The following ABCA6 variants were observed in gnomAD, a reference collection of about 807,000 sequenced individuals.
ABCA6 encodes the protein ATP-binding cassette sub-family A member 6.
ABCA6 carries 164 observed loss-of-function variants against 191.2 expected under a neutral mutation model. That is an observed-to-expected ratio of 0.86 (90% CI 0.76 to 0.98). The LOEUF (loss-of-function observed/expected upper bound fraction) is 0.98. Among genes scored for constraint, ABCA6 ranks in the 50% least tolerant of loss-of-function variants. The probability of loss-of-function intolerance (pLI) is 0.00; values close to 1 mark genes in which losing one functional copy is unlikely to be tolerated. For synonymous variants in ABCA6, 636 were observed against 647.7 expected (o/e 0.98, Z 0.27); for missense variants, 1,958 against 1,894.1 (o/e 1.03, Z -0.63).
Position 69,100,947 on chromosome 17 carries a change from A to G in ABCA6, c.2875-13T>C. ...AAAATCTATAATCCTTAAAACAGAA[A>G]CAAATAAATAATGTTAATGCTAAAT... On this transcript the variant is annotated splice_polypyrimidine_tract_variant and intron_variant, in intron 21 of 38. Transcript: ENST00000284425. 6.4e-7 allele frequency: 1 copy of G among 1,563,728 alleles called. No homozygotes were observed. The highest frequency in any genetic ancestry group is 1.2e-5 in the South Asian group (1 of 85,098).
chr17:69,082,837 C>G (rs777337889), intron 36 of ABCA6, 36 bp downstream of exon 36: 1 of 1,612,586 alleles, frequency 6.2e-7, no homozygotes, highest in Admixed American at 1.7e-5. Context: ...GTGGATAAAC[C>G]CTCCATATTT....
chr17:69,098,219 C>A (rs985498950), intron 22 of ABCA6, 192 bp from the exon 23 acceptor site: 5 of 450,104 alleles, frequency 1.1e-5, no homozygotes, highest in Non-Finnish European at 1.5e-5. Flanking sequence ...AGTCAAAAGT[C>A]ATTTAGGACC....
rs759246154 is a variant in ABCA6 at position 69,128,804 on chromosome 17, C to T, written c.934G>A (p.Val312Ile). ...ACACTCATCAGGAACACCAAAGCTACCTGCAAGAGAGAGAAGACATTCAGC... is the reference window on the plus strand; with the variant it reads ...ACACTCATCAGGAACACCAAAGCTATCTGCAAGAGAGAGAAGACATTCAGC... Reference protein sequence around the residue: ...ILFFLYGLSLVALVFLMSVLL... With the variant: ...ILFFLYGLSLIALVFLMSVLL... Residue 312 changes from valine to isoleucine, a missense_variant and splice_region_variant, in exon 8 of 39, where the codon GTA becomes ATA. Physicochemically the swap from Val to Ile is conservative, Grantham distance 29. Coordinates refer to ENST00000284425, the MANE Select transcript of ABCA6 (RefSeq NM_080284.3). 4 of 1,580,050 alleles carry T rather than the reference C, an allele frequency of 2.5e-6. No homozygotes were observed. The highest frequency in any genetic ancestry group is 2.3e-5 in the East Asian group (1 of 43,768).
chr17:69,096,156 T>C, intron 25 of ABCA6, 84 bp downstream of exon 25: 1 of 599,030 alleles, frequency 1.7e-6, no homozygotes, highest in Non-Finnish European at 2.5e-6. Context: ...CCCTACTGTC[T>C]TAAGGCAGAC....
In ABCA6 at chr17:69,088,164, A is replaced by G; in HGVS notation, c.3698+3T>C. On this transcript the variant is annotated splice_donor_region_variant and intron_variant, in intron 28 of 38. Transcript: ENST00000284425. ...TAAGTATAAAGTTAAATTTCACCCC[A>G]ACCTGAAAACAGGATCTTTTCGCAT... The G allele has an allele frequency of 6.2e-7, 1 of 1,608,590 alleles. No individual in the cohort carries two copies. Among genetic ancestry groups the G allele is most frequent in the African/African-American group, 1.3e-5 (1 of 74,838 alleles).
At chr17:69,120,121 T>A (rs1271451317) in intron 10 of ABCA6, among the ~76,000 whole-genome samples, 1 of 151,994 alleles carries the variant, frequency 6.6e-6, no homozygotes. Context: ...TGGTGCAATA[T>A]GTAAATATAT....
At chr17:69,085,791 C>A (rs2072772750) in intron 30 of ABCA6, 75 bp from the exon 31 acceptor site, 4 of 1,056,652 alleles carry the variant, frequency 3.8e-6, no homozygotes, top group Non-Finnish European at 5.8e-6. Flanking sequence ...CCAGTGAAAT[C>A]TTCTGAGATT....
At chr17:69,097,609 A>G (rs2073079196) in intron 23 of ABCA6, among the ~76,000 whole-genome samples, 1 of 152,174 alleles carries the variant, frequency 6.6e-6, no homozygotes, top group Admixed American at 6.5e-5. Context: ...CTTTGATTTC[A>G]ACATCAATGA....
chr17:69,116,735 G>A (rs1362909951), intron 11 of ABCA6, among the ~76,000 whole-genome samples: 1 of 152,080 alleles, frequency 6.6e-6, no homozygotes, highest in Non-Finnish European at 1.5e-5. Context: ...CAAAGGTGTT[G>A]CAGATGTGCT....
intron 11 of ABCA6, among the ~76,000 whole-genome samples, chr17:69,117,200 C>T (rs16973599): frequency 0.012 from 1,836 of 152,028 alleles, 9 homozygotes; most frequent in Middle Eastern, 0.061. Flanking sequence ...AGAAAATACA[C>T]GCAATATAAA....
Position 69,106,076 on chromosome 17 carries a change from C to T in ABCA6, c.2525G>A (p.Arg842Gln), listed in dbSNP as rs1307761237. ...LWRMQVFAMARLRFLKLKRQT... is the reference protein window; with the variant it reads ...LWRMQVFAMAQLRFLKLKRQT... ...ACGTTTTAACTTTAAGAAACGGAGC[C>T]GTGCCATGGCAAAGACTTGCATTCT... is the stretch of plus-strand genomic sequence containing the variant. Residue 842 changes from arginine (R) to glutamine (Q), a missense_variant, in exon 19 of 39, where the codon CGG becomes CAG. Transcript: ENST00000284425. 6 of 1,613,340 alleles carry T rather than the reference C, an allele frequency of 3.7e-6. No individual in the cohort carries two copies. The South Asian group carries it at 5.5e-5, about 15-fold the overall frequency.
At chr17:69,104,557 T>C (rs1202941007) in intron 20 of ABCA6, 7 of 151,106 alleles carry the variant, frequency 4.6e-5, no homozygotes, top group Non-Finnish European at 7.4e-5. Context: ...GGGAAGACTC[T>C]TACTGTGATT....
At chr17:69,090,654 A>G (rs1021629606) in intron 26 of ABCA6, among the ~76,000 whole-genome samples, 1 of 152,198 alleles carries the variant, frequency 6.6e-6, no homozygotes, top group Non-Finnish European at 1.5e-5. Flanking sequence ...GGACTGTGCT[A>G]TCTTGCTCAT....
chr17:69,112,158 T>C, intron 16 of ABCA6, 25 bp downstream of exon 16: 1 of 1,546,228 alleles, frequency 6.5e-7, no homozygotes, highest in Non-Finnish European at 8.9e-7. Context: ...AACACATAAA[T>C]CCAATCTATT....
intron 6 of ABCA6, 122 bp from the exon 7 acceptor site, chr17:69,129,873 A>G (rs1397419649): frequency 5.8e-6 from 4 of 684,288 alleles, no homozygotes; most frequent in Admixed American, 3.4e-5. Context: ...TAATAACTAT[A>G]CTGTTAATCC....
At chr17:69,112,935 C>G in intron 15 of ABCA6, 1 of 218,736 alleles carries the variant, frequency 4.6e-6, no homozygotes, top group Admixed American at 5.7e-5. Flanking sequence ...GAATAAGTGT[C>G]TATTTTTCAA....
intron 25 of ABCA6, among the ~76,000 whole-genome samples, chr17:69,095,975 A>T (rs1276286299): frequency 6.6e-6 from 1 of 152,232 alleles, no homozygotes; most frequent in Admixed American, 6.5e-5. Flanking sequence ...GAAGCCCTGT[A>T]TTCTGGAGAC....
In ABCA6 at chr17:69,106,285, T is replaced by C. The variant is rs1430841593; in HGVS notation, c.2390-74A>G. Reference sequence around the variant, plus strand: ...TCCTGGAGGCATCACAGATTTTCCTTAGTAATATTAAAAATAGTATTACAT... The same window carrying C: ...TCCTGGAGGCATCACAGATTTTCCTCAGTAATATTAAAAATAGTATTACAT... On this transcript the variant is annotated intron_variant, in intron 18 of 38. Transcript: ENST00000284425. The C allele has an allele frequency of 3.6e-6, 5 of 1,390,622 alleles. No homozygotes were observed. In the African/African-American group the frequency reaches 4.4e-5, roughly 12 times the overall value. 86.1% of individuals were successfully genotyped at this position (1,390,622 alleles called of 1,614,324 possible).
intron 29 of ABCA6, among the ~76,000 whole-genome samples, chr17:69,087,023 G>T (rs1378649017): frequency 2.6e-5 from 4 of 152,116 alleles, no homozygotes; most frequent in African/African-American, 9.7e-5. Flanking sequence ...TCTCTATTTA[G>T]CATTCTTCGC....
Sources: allele counts gnomAD v4.1 joint callset (sites outside exome capture counted in the v4.1 genomes callset), GRCh38; gene constraint gnomAD v4.1.1; transcripts MANE v1.5; gene names NCBI Gene and HGNC (gene_info 2026-07-23, HGNC 2026-07-21).